The following ARHGEF3 variants were observed in gnomAD, a reference collection of about 807,000 sequenced individuals.
The protein encoded by ARHGEF3 is 59.8 kDA protein.
Under a neutral mutation model 63.2 loss-of-function variants are expected in ARHGEF3, and 28 were observed. The observed-to-expected ratio is 0.44, with a 90% confidence interval of 0.33 to 0.61. The LOEUF (loss-of-function observed/expected upper bound fraction) is 0.61. Ranked by LOEUF, ARHGEF3 falls within the 20% of genes least tolerant of loss-of-function variation. ARHGEF3 has a pLI of 0.03. For missense variants in ARHGEF3, 533 were observed against 659.3 expected (o/e 0.81, Z 2.10); for synonymous variants, 266 against 254.2 (o/e 1.05, Z -0.44).
chr3:56,744,171 ACCTGT>A (rs1399879285), intron 7 of ARHGEF3, among the ~76,000 whole-genome samples: 1 of 151,992 alleles, frequency 6.6e-6, no homozygotes, highest in Non-Finnish European at 1.5e-5. Flanking sequence ...CCCAGGCACG[ACCTGT>A]CCTGTCATTT....
At chr3:56,906,377 C>T (rs1248393584) in intron 3 of ARHGEF3, among the ~76,000 whole-genome samples, 1 of 152,130 alleles carries the variant, frequency 6.6e-6, no homozygotes, top group Non-Finnish European at 1.5e-5. Context: ...CCGCAGTGTC[C>T]GATGGCTACC....
intron 4 of ARHGEF3, among the ~76,000 whole-genome samples, chr3:56,878,459 C>A (rs185225255): frequency 6.6e-6 from 1 of 152,284 alleles, no homozygotes; most frequent in East Asian, 1.9e-4. Context: ...AAAATAGTGA[C>A]CGATTATATC....
intron 4 of ARHGEF3, 62 bp from the exon 5 acceptor site, chr3:56,751,458 T>C: frequency 2.1e-6 from 3 of 1,413,160 alleles, no homozygotes; most frequent in South Asian, 1.2e-5. Flanking sequence ...ACATTGTTCA[T>C]GTAAGTGGCT....
At chr3:56,919,273 A>G (rs2042065244) in intron 3 of ARHGEF3, among the ~76,000 whole-genome samples, 1 of 152,218 alleles carries the variant, frequency 6.6e-6, no homozygotes, top group African/African-American at 2.4e-5. Context: ...TGGGCCACAT[A>G]ACACAGTTGC....
At chr3:56,889,694 C>T (rs1305248322) in intron 3 of ARHGEF3, among the ~76,000 whole-genome samples, 1 of 152,198 alleles carries the variant, frequency 6.6e-6, no homozygotes, top group African/African-American at 2.4e-5. Flanking sequence ...TGCTATTTCT[C>T]TTTGTACATT....
intron 1 of ARHGEF3, among the ~76,000 whole-genome samples, chr3:57,037,800 G>A (rs1400550637): frequency 6.6e-5 from 10 of 152,180 alleles, no homozygotes; most frequent in African/African-American, 1.9e-4. Flanking sequence ...GTGTGAACCC[G>A]GGAGGCGGAG....
chr3:56,749,431 ATGTAGTCCTGTACTGC>A (rs1258015569), intron 6 of ARHGEF3, among the ~76,000 whole-genome samples: 1 of 152,242 alleles, frequency 6.6e-6, no homozygotes, highest in African/African-American at 2.4e-5. Flanking sequence ...TAAGGAAACC[ATGTAGTCCTGTACTGC>A]TGTCTCATCA....
At chr3:56,781,012 A>G (rs1056459579) in intron 1 of ARHGEF3, among the ~76,000 whole-genome samples, 4 of 152,334 alleles carry the variant, frequency 2.6e-5, no homozygotes, top group African/African-American at 9.6e-5. Context: ...GAGTCACACT[A>G]GTTTAGAGTA....
intron 2 of ARHGEF3, chr3:57,007,329 C>T (rs1422036074): frequency 7.8e-7 from 1 of 1,289,766 alleles, no homozygotes; most frequent in East Asian, 5.5e-5. Context: ...GAAACACCTC[C>T]AACAGCCCTG....
chr3:57,016,627 G>A (rs1703016618), intron 2 of ARHGEF3, among the ~76,000 whole-genome samples: 2 of 152,058 alleles, frequency 1.3e-5, no homozygotes, highest in African/African-American at 4.8e-5. Flanking sequence ...AAGACTTCTC[G>A]AATGTGTGGA....
intron 2 of ARHGEF3, among the ~76,000 whole-genome samples, chr3:56,990,429 C>A (rs1317835142): frequency 6.6e-6 from 1 of 152,132 alleles, no homozygotes; most frequent in African/African-American, 2.4e-5. Flanking sequence ...ACTAAAAATA[C>A]AAAAATTACT....
intron 4 of ARHGEF3, among the ~76,000 whole-genome samples, chr3:56,832,179 T>G (rs572956466): frequency 6.6e-6 from 1 of 152,246 alleles, no homozygotes; most frequent in African/African-American, 2.4e-5. Flanking sequence ...CCATTTCAGA[T>G]GTACCCAGGC....
intron 1 of ARHGEF3, among the ~76,000 whole-genome samples, chr3:56,794,514 A>G (rs942905201): frequency 8.2e-5 from 12 of 146,518 alleles, no homozygotes; most frequent in African/African-American, 3.1e-4. Flanking sequence ...AAAAAAAAAG[A>G]AAGTATTACT....
intron 4 of ARHGEF3, among the ~76,000 whole-genome samples, chr3:56,840,925 T>A (rs1269327972): frequency 1.3e-5 from 2 of 152,212 alleles, no homozygotes; most frequent in Admixed American, 6.5e-5. Context: ...AAGGTTTTTT[T>A]AAAAACTGTA....
intron 7 of ARHGEF3, among the ~76,000 whole-genome samples, chr3:56,739,331 T>C (rs1287276774): frequency 6.6e-6 from 1 of 151,926 alleles, no homozygotes; most frequent in African/African-American, 2.4e-5. Context: ...AGTCAGAAGT[T>C]ATCATGTCTT....
intron 4 of ARHGEF3, among the ~76,000 whole-genome samples, chr3:56,812,382 G>A (rs1387845811): frequency 3.3e-5 from 5 of 152,190 alleles, no homozygotes; most frequent in East Asian, 1.9e-4. Flanking sequence ...AGAGCTTTCA[G>A]TTCCTTCCAG....
chr3:56,861,144 G>T (rs141788092), intron 4 of ARHGEF3, among the ~76,000 whole-genome samples: 166 of 152,290 alleles, frequency 1.1e-3, no homozygotes, highest in African/African-American at 3.9e-3. Flanking sequence ...CACCTCTCAG[G>T]CTTGTTATGT....
chr3:57,073,209 C>T (rs1189890580), intron 1 of ARHGEF3, among the ~76,000 whole-genome samples: 1 of 151,904 alleles, frequency 6.6e-6, no homozygotes, highest in African/African-American at 2.4e-5. Flanking sequence ...TCTCTGGAAG[C>T]AAGCTTGGGA....
intron 2 of ARHGEF3, among the ~76,000 whole-genome samples, chr3:56,968,252 A>AT (rs1413100333): frequency 1.3e-3 from 66 of 49,530 alleles, no homozygotes; most frequent in African/African-American, 4.2e-3. Flanking sequence ...ATATTAATAT[A>AT]TAATATTTAA....
Sources: gnomAD v4.1 joint callset for allele counts (sites outside exome capture counted in the v4.1 genomes callset) on GRCh38, gnomAD v4.1.1 for gene constraint, MANE v1.5 for transcripts, NCBI Gene and HGNC (gene_info 2026-07-23, HGNC 2026-07-21) for gene names.